PDXDC1: variants seen among roughly 807,000 people sequenced by gnomAD.
PDXDC1 encodes the protein pyridoxal dependent decarboxylase domain containing 1.
PDXDC1 carries 42 observed loss-of-function variants against 100.1 expected under a neutral mutation model. The observed-to-expected ratio is 0.42, with a 90% CI of 0.33 to 0.54. The LOEUF (loss-of-function observed/expected upper bound fraction) is 0.54. Ranked by LOEUF, PDXDC1 falls within the 20% of genes least tolerant of loss-of-function variation. PDXDC1 has a pLI of 0.10. For missense variants in PDXDC1, 636 were observed against 979.2 expected (o/e 0.65, Z 4.68); for synonymous variants, 260 against 371.7 (o/e 0.70, Z 3.46).
chr16:15,057,623 T>TG (rs2044573743), intron 16 of PDXDC1, among the ~76,000 whole-genome samples: 1 of 152,210 alleles, frequency 6.6e-6, no homozygotes, highest in Non-Finnish European at 1.5e-5. Flanking sequence ...GAAACCAGGG[T>TG]GATCAATGAC....
intron 16 of PDXDC1, chr16:15,137,945 T>C: frequency 1.2e-6 from 1 of 850,982 alleles, no homozygotes; most frequent in Non-Finnish European, 1.9e-6. Context: ...GGGCAGGTGT[T>C]GGGGACCAGG....
intron 16 of PDXDC1, among the ~76,000 whole-genome samples, chr16:15,122,226 C>G (rs2047457493): frequency 6.6e-6 from 1 of 150,834 alleles, no homozygotes. Context: ...TGACATTTCA[C>G]TTTGTTTTGG....
chr16:15,131,497 C>T (rs976689641), intron 16 of PDXDC1: 73 of 1,607,350 alleles, frequency 4.5e-5, no homozygotes, highest in South Asian at 3.3e-4. Flanking sequence ...CAGCAGGCTC[C>T]GCGGGTCCGA....
downstream of PDXDC1, among the ~76,000 whole-genome samples, chr16:15,142,077 G>A (rs2048484326): frequency 6.6e-6 from 1 of 152,180 alleles, no homozygotes; most frequent in Non-Finnish European, 1.5e-5. Flanking sequence ...CACAGGCATG[G>A]GGAGCAGCTC....
intron 8 of PDXDC1, among the ~76,000 whole-genome samples, chr16:15,013,128 C>A (rs1238737124): frequency 6.6e-6 from 1 of 152,158 alleles, no homozygotes; most frequent in African/African-American, 2.4e-5. Context: ...TGAGATCGCA[C>A]CACTGCACTC....
At chr16:15,076,976 A>ATC (rs1402841741) in intron 16 of PDXDC1, among the ~76,000 whole-genome samples, 2 of 111,594 alleles carry the variant, frequency 1.8e-5, no homozygotes, top group African/African-American at 2.9e-5. Context: ...CCCCACCCAA[A>ATC]TCACTTTTTT....
At chr16:15,072,685 T>C (rs1187945856) in intron 16 of PDXDC1, among the ~76,000 whole-genome samples, 1 of 151,910 alleles carries the variant, frequency 6.6e-6, no homozygotes, top group Non-Finnish European at 1.5e-5. Flanking sequence ...TGGTCCCAGC[T>C]ATCGAGAGGG....
intron 1 of PDXDC1, among the ~76,000 whole-genome samples, chr16:14,982,299 T>C (rs1450607391): frequency 6.6e-6 from 1 of 152,252 alleles, no homozygotes; most frequent in East Asian, 2.0e-4. Context: ...AAAATAAGAC[T>C]TTCAAATGAC....
At chr16:15,013,348 CAAAAAAAAAAGAAA>C (rs1410618806) in intron 8 of PDXDC1, among the ~76,000 whole-genome samples, 2 of 111,828 alleles carry the variant, frequency 1.8e-5, no homozygotes, top group Non-Finnish European at 3.4e-5. Flanking sequence ...GACCCTATCT[CAAAAAAAAAAGAAA>C]AAAAAAAAAA....
chr16:15,034,713 T>C (rs534441799), intron 21 of PDXDC1, among the ~76,000 whole-genome samples, 160 bp downstream of exon 21: 21 of 152,208 alleles, frequency 1.4e-4, no homozygotes, highest in African/African-American at 5.1e-4. Flanking sequence ...TGGTGTGCCC[T>C]GTCCTCCTCC....
chr16:15,021,824 C>T (rs1305295076), intron 12 of PDXDC1, among the ~76,000 whole-genome samples: 1 of 152,292 alleles, frequency 6.6e-6, no homozygotes, highest in Non-Finnish European at 1.5e-5. Context: ...CCTCCTCATC[C>T]TCCTCTTCCT....
At chr16:15,136,334 G>C (rs1031945933) in intron 16 of PDXDC1, among the ~76,000 whole-genome samples, 4 of 152,142 alleles carry the variant, frequency 2.6e-5, no homozygotes, top group African/African-American at 9.7e-5. Flanking sequence ...GGATCCCCGC[G>C]CAGGCCACCT....
At chr16:15,130,403 G>A (rs779425690) in intron 16 of PDXDC1, 93 of 1,574,790 alleles carry the variant, frequency 5.9e-5, no homozygotes, top group Non-Finnish European at 7.5e-5. Context: ...GCGCCGACAG[G>A]CGGAAGTGGC....
intron 16 of PDXDC1, chr16:15,044,447 C>G (rs368910889): frequency 5.3e-6 from 7 of 1,319,264 alleles, no homozygotes; most frequent in Non-Finnish European, 7.7e-6. Flanking sequence ...CAGAAGAAGA[C>G]ACCGGTGCGT....
At chr16:15,146,191 C>G in the PDXDC1 span, among the ~76,000 whole-genome samples, 132 of 152,262 alleles carry the variant, frequency 8.7e-4, no homozygotes, top group Non-Finnish European at 1.7e-3. Flanking sequence ...ATGGCTCCAG[C>G]AGGAGGCCCT....
downstream of PDXDC1, chr16:15,038,341 G>GAATT (rs1336192170): frequency 2.2e-5 from 15 of 682,594 alleles, no homozygotes; most frequent in African/African-American, 2.6e-4. Flanking sequence ...GAGGTGGCCT[G>GAATT]AATTAGTAAG....
chr16:15,113,855 TC>T (rs1334714438), intron 16 of PDXDC1, among the ~76,000 whole-genome samples: 4 of 19,214 alleles, frequency 2.1e-4, no homozygotes, highest in African/African-American at 8.0e-4. Context: ...AACTGTTTGT[TC>T]CTTGGGCTCT....
At chr16:15,141,489 G>A (rs2048474793), downstream of PDXDC1, among the ~76,000 whole-genome samples, 1 of 152,192 alleles carries the variant, frequency 6.6e-6, no homozygotes, top group African/African-American at 2.4e-5. Flanking sequence ...GGTTGGGGGT[G>A]CAGTTCCCTT....
At chr16:15,014,300 AAC>A (rs2041613472) in intron 8 of PDXDC1, among the ~76,000 whole-genome samples, 1 of 152,290 alleles carries the variant, frequency 6.6e-6, no homozygotes, top group Non-Finnish European at 1.5e-5. Context: ...ATTGTTTAAA[AAC>A]ACAAATTCAC....
Sources: gnomAD v4.1 joint callset for allele counts (sites outside exome capture counted in the v4.1 genomes callset) on GRCh38, gnomAD v4.1.1 for gene constraint, MANE v1.5 for transcripts, NCBI Gene and HGNC (gene_info 2026-07-23, HGNC 2026-07-21) for gene names.